The following FASTKD1 variants were observed in gnomAD, a reference collection of about 807,000 sequenced individuals.
FASTKD1 encodes the protein FAST kinase domains 1.
A neutral mutation model predicts 90.9 loss-of-function variants in FASTKD1; 94 were observed. The ratio of observed to expected loss-of-function variants is 1.03; its 90% CI spans 0.88 to 1.23. The LOEUF (loss-of-function observed/expected upper bound fraction) is 1.23. Ranked by LOEUF, FASTKD1 falls within the 50% of genes most tolerant of loss-of-function variation. The pLI, the probability that FASTKD1 is intolerant of heterozygous loss-of-function variation, is 0.00. For missense variants in FASTKD1, 945 were observed against 993.5 expected, an observed-to-expected ratio of 0.95 and a Z score of 0.66; for synonymous variants, 319 against 345.8, an observed-to-expected ratio of 0.92 and a Z score of 0.86.
Position 169,557,317 on chromosome 2 carries a change from A to T in FASTKD1, c.972-20T>A. 1.4e-6 allele frequency: 2 copies of T among 1,429,122 alleles called. No individual in the cohort carries two copies. Among genetic ancestry groups the T allele is most frequent in the African/African-American group, 3.0e-5 (2 of 67,604 alleles). 88.5% of individuals were successfully genotyped at this position (1,429,122 alleles called of 1,614,324 possible). ...TTAAGTCTAGAAGCAAAAAAAAAAA[A>T]GTTTTTGGTTGAAAGACTGAAAATT... is the stretch of plus-strand genomic sequence containing the variant. On this transcript the variant is annotated intron_variant, in intron 5 of 14. Coordinates refer to ENST00000453153, the MANE Select transcript of FASTKD1 (RefSeq NM_024622.6).
intron 12 of FASTKD1, among the ~76,000 whole-genome samples, chr2:169,536,683 T>C (rs762940977): frequency 3.3e-5 from 5 of 152,208 alleles, no homozygotes; most frequent in Non-Finnish European, 5.9e-5. Context: ...AATTTTATAT[T>C]GCCATCAACG....
intron 12 of FASTKD1, among the ~76,000 whole-genome samples, chr2:169,532,194 C>T (rs1210259757): frequency 2.0e-5 from 3 of 152,040 alleles, no homozygotes; most frequent in Non-Finnish European, 4.4e-5. Context: ...CCGAGGCAGG[C>T]AGATTGCTTG....
intron 12 of FASTKD1, among the ~76,000 whole-genome samples, chr2:169,535,028 A>G (rs1684669740): frequency 6.6e-6 from 1 of 152,068 alleles, no homozygotes; most frequent in Non-Finnish European, 1.5e-5. Flanking sequence ...AGAAAAAAAG[A>G]AAAATATTAA....
chr2:169,556,828 AAAACAAAC>A (rs140987027), intron 6 of FASTKD1, among the ~76,000 whole-genome samples: 14 of 148,298 alleles, frequency 9.4e-5, no homozygotes, highest in African/African-American at 3.2e-4. Flanking sequence ...CTCTGTCTCA[AAAACAAAC>A]AAACAAACAA....
chr2:169,562,189 TTTG>T (rs1049622880), intron 4 of FASTKD1, among the ~76,000 whole-genome samples: 24 of 151,204 alleles, frequency 1.6e-4, no homozygotes, highest in African/African-American at 4.6e-4. Context: ...TTTTTTGGAT[TTTG>T]TTGTTGTTGT....
intron 7 of FASTKD1, 63 bp from the exon 8 acceptor site, chr2:169,546,767 T>C: frequency 9.2e-6 from 13 of 1,420,612 alleles, no homozygotes; most frequent in African/African-American, 1.4e-5. Flanking sequence ...TGTATTAAAA[T>C]ATGAATACAT....
intron 5 of FASTKD1, among the ~76,000 whole-genome samples, chr2:169,558,541 C>T (rs1398964021): frequency 6.6e-6 from 1 of 152,072 alleles, no homozygotes; most frequent in Non-Finnish European, 1.5e-5. Flanking sequence ...CCTCAGTCTC[C>T]CAGGTTCAAG....
chr2:169,537,415 G>T (rs2683423), intron 11 of FASTKD1, 75 bp from the exon 12 acceptor site: 1 of 1,012,154 alleles, frequency 9.9e-7, no homozygotes, highest in Admixed American at 2.2e-5. Flanking sequence ...CGGAGTTTTC[G>T]CTCTTGTTGC....
intron 2 of FASTKD1, among the ~76,000 whole-genome samples, chr2:169,570,407 T>C (rs1259554641): frequency 6.6e-6 from 1 of 152,190 alleles, no homozygotes; most frequent in Admixed American, 6.6e-5. Context: ...CATTTATCTC[T>C]GAGTTTTTCC....
In FASTKD1 at chr2:169,560,575, G is replaced by A. The variant is rs1204299133; in HGVS notation, c.783C>T (p.Asp261=). Residue 261 remains aspartate, a synonymous_variant, in exon 5 of 15, where the codon GAC becomes GAT. Transcript: ENST00000453153. The part of the protein sequence containing the change: ...RCNNVFLSNV[D]HLDLDSISKI... ...TACTGATGGAATCCAAATCAAGGTG[G>A]TCCACATTACTTAAAAATACGTTAT... The A allele has an allele frequency of 1.9e-6, 3 of 1,606,062 alleles. No homozygotes were observed. The highest frequency in any genetic ancestry group is 8.5e-7 in the Non-Finnish European group (1 of 1,176,628).
intron 7 of FASTKD1, 50 bp downstream of exon 7, chr2:169,555,074 A>T (rs953756230): frequency 6.4e-7 from 1 of 1,552,946 alleles, no homozygotes; most frequent in Admixed American, 1.9e-5. Context: ...CAAAACAAAT[A>T]TTGTGGCTAG....
At chr2:169,534,977 ATT>A (rs952917943) in intron 12 of FASTKD1, among the ~76,000 whole-genome samples, 2 of 150,184 alleles carry the variant, frequency 1.3e-5, no homozygotes, top group African/African-American at 4.9e-5. Flanking sequence ...GTCTCATGTA[ATT>A]TTTTTTTAAG....
At chr2:169,539,927 A>G in intron 10 of FASTKD1, 124 bp downstream of exon 10, 1 of 489,294 alleles carries the variant, frequency 2.0e-6, no homozygotes, top group Non-Finnish European at 3.4e-6. Context: ...TTTCTACAAT[A>G]AGCATGAATA....
chr2:169,557,330 AAG>A, intron 5 of FASTKD1, 33 bp from the exon 6 acceptor site: 1 of 1,288,246 alleles, frequency 7.8e-7, no homozygotes, highest in South Asian at 1.3e-5. Context: ...TTTTGGTTGA[AAG>A]ACTGAAAATT....
intron 9 of FASTKD1, among the ~76,000 whole-genome samples, chr2:169,542,284 A>C (rs976155806): frequency 6.6e-6 from 1 of 152,194 alleles, no homozygotes; most frequent in East Asian, 1.9e-4. Flanking sequence ...AGTACATGGA[A>C]AGTGTTGACT....
intron 3 of FASTKD1, among the ~76,000 whole-genome samples, chr2:169,567,856 A>G (rs1203395626): frequency 5.3e-5 from 8 of 152,214 alleles, no homozygotes; most frequent in African/African-American, 1.9e-4. Flanking sequence ...GCCTTATTCC[A>G]CTAACAATAG....
chr2:169,533,055 T>A (rs1684560641), intron 12 of FASTKD1, among the ~76,000 whole-genome samples: 1 of 152,184 alleles, frequency 6.6e-6, no homozygotes, highest in Non-Finnish European at 1.5e-5. Context: ...TTCCCATAAT[T>A]CTACTACCTT....
chr2:169,531,820 AC>A (rs1164632672), intron 12 of FASTKD1: 2 of 193,766 alleles, frequency 1.0e-5, no homozygotes, highest in Non-Finnish European at 2.1e-5. Flanking sequence ...AGCTAAACCA[AC>A]TCATCTGAAA....
At chr2:169,537,152 TCCAACTGATAAGATGA>T in intron 12 of FASTKD1, 59 bp downstream of exon 12, 1 of 928,394 alleles carries the variant, frequency 1.1e-6, no homozygotes, top group Non-Finnish European at 1.7e-6. Context: ...TTTAAAAAAT[TCCAACTGATAAGATGA>T]TTCTATTCAA....
Sources: allele counts gnomAD v4.1 joint callset (sites outside exome capture counted in the v4.1 genomes callset), GRCh38; gene constraint gnomAD v4.1.1; transcripts MANE v1.5; gene names NCBI Gene and HGNC (gene_info 2026-07-23, HGNC 2026-07-21).